The following SAMD3 variants were observed in gnomAD, a reference collection of about 807,000 sequenced individuals.
The protein encoded by SAMD3 is sterile alpha motif domain-containing protein 3.
SAMD3 carries 63 observed loss-of-function variants against 58.5 expected under a neutral mutation model. The observed-to-expected ratio is 1.08, with a 90% CI of 0.88 to 1.33. The LOEUF (loss-of-function observed/expected upper bound fraction) is 1.33. Among genes scored for constraint, SAMD3 ranks in the 40% most tolerant of loss-of-function variants. SAMD3 has a pLI of 0.00. For synonymous variants in SAMD3, 220 were observed against 210.3 expected, an observed-to-expected ratio of 1.05 and a Z score of -0.40; for missense variants, 604 against 608.4, an observed-to-expected ratio of 0.99 and a Z score of 0.08.
intron 2 of SAMD3, among the ~76,000 whole-genome samples, chr6:130,243,054 C>G (rs1233026606): frequency 1.3e-5 from 2 of 152,148 alleles, no homozygotes; most frequent in Non-Finnish European, 2.9e-5. Flanking sequence ...CAAAGAGCAA[C>G]AGCCTCCTCC....
At chr6:130,295,360 G>C (rs1166527956) in intron 2 of SAMD3, among the ~76,000 whole-genome samples, 3 of 152,180 alleles carry the variant, frequency 2.0e-5, no homozygotes, top group Admixed American at 6.5e-5. Flanking sequence ...GCATGCCTCA[G>C]AGGTGGTGGT....
chr6:130,158,466 A>C (rs1789989525), intron 8 of SAMD3, among the ~76,000 whole-genome samples: 1 of 152,174 alleles, frequency 6.6e-6, no homozygotes, highest in Non-Finnish European at 1.5e-5. Flanking sequence ...AGGTGCAAGA[A>C]AATTTTCTAT....
In SAMD3 at chr6:130,194,571, C is replaced by T. The variant is rs578210199; in HGVS notation, c.384-9948G>A. On this transcript the variant is annotated intron_variant, in intron 5 of 11. Coordinates refer to ENST00000439090, the MANE Select transcript of SAMD3 (RefSeq NM_001017373.4). ...GAACTTCCAAATGCCTGAACCACAG[C>T]GGCCAGGCATTTCTCCAGAACCTCC... Among the ~76,000 whole-genome samples, 159 of 152,354 alleles carry T rather than the reference C, an allele frequency of 1.0e-3. 1 individual carries two copies. Among genetic ancestry groups the T allele is most frequent in the African/African-American group, 3.7e-3 (153 of 41,584 alleles).
intron 2 of SAMD3, among the ~76,000 whole-genome samples, chr6:130,272,554 C>T (rs1774602853): frequency 6.6e-6 from 1 of 151,982 alleles, no homozygotes; most frequent in African/African-American, 2.4e-5. Flanking sequence ...CCTTAAAATA[C>T]CAGGAGGATT....
intron 2 of SAMD3, among the ~76,000 whole-genome samples, chr6:130,236,412 C>T (rs1312858834): frequency 6.8e-6 from 1 of 146,876 alleles, no homozygotes; most frequent in African/African-American, 2.6e-5. Flanking sequence ...GAGATGGAGT[C>T]ATGCTCTGTC....
At chr6:130,317,383 C>T (rs759937854) in intron 1 of SAMD3, among the ~76,000 whole-genome samples, 5 of 152,086 alleles carry the variant, frequency 3.3e-5, no homozygotes, top group Non-Finnish European at 7.4e-5. Context: ...ACTTATTGTT[C>T]TAGGCACTGG....
At chr6:130,207,950 G>A (rs1451436007) in intron 5 of SAMD3, among the ~76,000 whole-genome samples, 1 of 152,188 alleles carries the variant, frequency 6.6e-6, no homozygotes, top group Non-Finnish European at 1.5e-5. Context: ...GGGCTGCTGG[G>A]GCCTTGCAGG....
rs374012973 is a variant in SAMD3, at chr6:130,185,606, C to T, written c.384-983G>A. Among the ~76,000 whole-genome samples, 22 of 151,294 alleles carry T rather than the reference C, an allele frequency of 1.5e-4. 1 individual carries two copies. Among genetic ancestry groups the T allele is most frequent in the Admixed American group, 3.3e-4 (5 of 15,206 alleles). ...CCTCCCAAAGTGCTGGGACTACAGG[C>T]CTGAGCCACTGCATCTGCCCAATTT... On this transcript the variant is annotated intron_variant, in intron 5 of 11. Transcript: ENST00000439090.
chr6:130,236,276 T>A (rs923500583), intron 2 of SAMD3, among the ~76,000 whole-genome samples: 1 of 152,224 alleles, frequency 6.6e-6, no homozygotes, highest in Non-Finnish European at 1.5e-5. Context: ...TAGTCTGTGC[T>A]ATTTTGTTAC....
At chr6:130,156,166 C>G (rs1008715097) in intron 8 of SAMD3, among the ~76,000 whole-genome samples, 2 of 151,836 alleles carry the variant, frequency 1.3e-5, no homozygotes, top group Admixed American at 6.6e-5. Flanking sequence ...TAGCGAAACC[C>G]CACCTCTACT....
chr6:130,322,602 C>T (rs1378211375), intron 1 of SAMD3, among the ~76,000 whole-genome samples: 1 of 152,174 alleles, frequency 6.6e-6, no homozygotes, highest in Non-Finnish European at 1.5e-5. Context: ...CACCACTGCA[C>T]CCCAGCCTGG....
chr6:130,365,509 A>C, upstream of SAMD3: 3 of 985,262 alleles, frequency 3.0e-6, no homozygotes, highest in Non-Finnish European at 3.6e-6. Context: ...CTGAGGAGAA[A>C]GCGTCCGAGG....
intron 9 of SAMD3, among the ~76,000 whole-genome samples, chr6:130,153,416 G>A (rs1468033596): frequency 6.6e-6 from 1 of 151,872 alleles, no homozygotes; most frequent in Non-Finnish European, 1.5e-5. Flanking sequence ...AATAATACAG[G>A]CAATTCTTAT....
chr6:130,144,574 A>AAAAT lies in SAMD3; in HGVS notation c.1505_1508dup (p.Phe503LeufsTer43). 6.2e-7 allele frequency: 1 copy of AAAAT among 1,614,096 alleles called. No homozygotes were observed. Among genetic ancestry groups the AAAAT allele is most frequent in the Admixed American group, 1.7e-5 (1 of 60,014 alleles). ...CGTTTTCCTTTTCTTTCAAAGAAGG[A>AAAAT]AAATAAGGACTGTGCATATCGAAAA... On this transcript the variant is annotated frameshift_variant, in exon 12 of 12. Coordinates refer to ENST00000439090, the MANE Select transcript of SAMD3 (RefSeq NM_001017373.4). LOFTEE classifies it high-confidence loss of function.
At chr6:130,163,774 A>G (rs547367136) in intron 8 of SAMD3, among the ~76,000 whole-genome samples, 1 of 152,120 alleles carries the variant, frequency 6.6e-6, no homozygotes, top group South Asian at 2.1e-4. Flanking sequence ...GTGTTGTAAG[A>G]TAAATCCAAA....
intron 5 of SAMD3, among the ~76,000 whole-genome samples, chr6:130,203,313 A>G (rs1005234570): frequency 5.3e-5 from 8 of 152,206 alleles, no homozygotes; most frequent in Non-Finnish European, 1.2e-4. Flanking sequence ...TTTACAGATA[A>G]GAAAAGTGAG....
At chr6:130,290,553 T>G (rs1181585553) in intron 2 of SAMD3, among the ~76,000 whole-genome samples, 1 of 152,188 alleles carries the variant, frequency 6.6e-6, no homozygotes, top group Non-Finnish European at 1.5e-5. Context: ...CCTAGCCTAG[T>G]TGACACGTAA....
chr6:130,274,696 C>T (rs1025295863), intron 2 of SAMD3, among the ~76,000 whole-genome samples: 1 of 151,510 alleles, frequency 6.6e-6, no homozygotes, highest in East Asian at 1.9e-4. Context: ...CATCTGAGCA[C>T]TGCAACTTCT....
At chr6:130,305,780 A>T (rs2061805) in intron 2 of SAMD3, among the ~76,000 whole-genome samples, 22,253 of 152,240 alleles carry the variant, frequency 0.15, 2,065 homozygotes, top group East Asian at 0.36. Flanking sequence ...TTTTAAAATA[A>T]ATTGCTAATG....
Sources: allele counts gnomAD v4.1 joint callset (sites outside exome capture counted in the v4.1 genomes callset), GRCh38; gene constraint gnomAD v4.1.1; transcripts MANE v1.5; gene names NCBI Gene and HGNC (gene_info 2026-07-23, HGNC 2026-07-21).